FRMPD2: variants seen among roughly 807,000 people sequenced by gnomAD.
FRMPD2 encodes FERM and PDZ domain containing 2.
A neutral mutation model predicts 140.1 loss-of-function variants in FRMPD2; 96 were observed. The observed-to-expected ratio is 0.69, with a 90% CI of 0.58 to 0.81. The LOEUF is 0.81. Among genes scored for constraint, FRMPD2 ranks in the 40% least tolerant of loss-of-function variants. The probability of loss-of-function intolerance (pLI) is 0.00; values close to 1 mark genes in which losing one functional copy is unlikely to be tolerated. For synonymous variants in FRMPD2, 449 were observed against 547.6 expected, an observed-to-expected ratio of 0.82 and a Z score of 2.52; for missense variants, 1,240 against 1,447.4, an observed-to-expected ratio of 0.86 and a Z score of 2.32.
intron 20 of FRMPD2, among the ~76,000 whole-genome samples, chr10:48,181,323 G>A (rs1355361503): frequency 1.3e-5 from 2 of 152,258 alleles, no homozygotes; most frequent in Non-Finnish European, 2.9e-5. Flanking sequence ...ATACATATAG[G>A]AAGATATGGA....
intron 1 of FRMPD2, among the ~76,000 whole-genome samples, chr10:48,254,633 A>T (rs1484843532): frequency 1.3e-5 from 2 of 152,244 alleles, no homozygotes; most frequent in Non-Finnish European, 1.5e-5. Flanking sequence ...ATACACTTCC[A>T]TAGCATTTAC....
chr10:48,270,192 G>T (rs574052388), intron 1 of FRMPD2, among the ~76,000 whole-genome samples: 3 of 152,236 alleles, frequency 2.0e-5, no homozygotes, highest in South Asian at 2.1e-4. Context: ...ATAATCCAAG[G>T]AGCTGCTAGT....
At chr10:48,237,213 AG>A (rs892004700) in intron 8 of FRMPD2, among the ~76,000 whole-genome samples, 2 of 152,106 alleles carry the variant, frequency 1.3e-5, no homozygotes, top group Non-Finnish European at 2.9e-5. Context: ...AGTGCCCCCA[AG>A]GGTACCTAGC....
At chr10:48,202,710 A>G (rs1839116424) in intron 14 of FRMPD2, among the ~76,000 whole-genome samples, 1 of 152,228 alleles carries the variant, frequency 6.6e-6, no homozygotes, top group African/African-American at 2.4e-5. Context: ...CTTGAAATCC[A>G]TACACTTTGT....
chr10:48,211,219 G>A (rs1371836837), intron 13 of FRMPD2, among the ~76,000 whole-genome samples: 1 of 152,244 alleles, frequency 6.6e-6, no homozygotes, highest in East Asian at 1.9e-4. Flanking sequence ...GAGTAGCAAA[G>A]ACTATTCATC....
At chr10:48,225,010 C>A (rs1839691132) in intron 10 of FRMPD2, among the ~76,000 whole-genome samples, 1 of 152,134 alleles carries the variant, frequency 6.6e-6, no homozygotes, top group Non-Finnish European at 1.5e-5. Context: ...ATGCTCTCAC[C>A]AGCCCTGCTT....
intron 11 of FRMPD2, 68 bp downstream of exon 11, chr10:48,223,055 T>G (rs1240726730): frequency 6.9e-7 from 1 of 1,439,758 alleles, no homozygotes. Flanking sequence ...GTCGATCCAT[T>G]ACCTCTCCGT....
intron 15 of FRMPD2, among the ~76,000 whole-genome samples, chr10:48,200,903 C>A (rs1398207001): frequency 6.6e-6 from 1 of 152,154 alleles, no homozygotes; most frequent in Non-Finnish European, 1.5e-5. Context: ...TTGTGTATGT[C>A]TCTATTGATT....
chr10:48,237,784 C>T (rs530560424), intron 8 of FRMPD2, among the ~76,000 whole-genome samples: 2 of 152,276 alleles, frequency 1.3e-5, no homozygotes, highest in African/African-American at 4.8e-5. Flanking sequence ...CAGCGTCCCC[C>T]ATAGAGCCTT....
intron 13 of FRMPD2, among the ~76,000 whole-genome samples, chr10:48,207,322 G>T (rs1839224897): frequency 6.6e-6 from 1 of 152,126 alleles, no homozygotes; most frequent in Non-Finnish European, 1.5e-5. Context: ...TTGTGTCAGA[G>T]TCTATAGTAT....
intron 9 of FRMPD2, among the ~76,000 whole-genome samples, chr10:48,234,294 T>G (rs1040340894): frequency 6.6e-6 from 1 of 152,210 alleles, no homozygotes; most frequent in Non-Finnish European, 1.5e-5. Flanking sequence ...CATGACATGA[T>G]GAGACAGAGA....
intron 24 of FRMPD2, among the ~76,000 whole-genome samples, chr10:48,174,127 C>G (rs572773445): frequency 6.6e-6 from 1 of 152,130 alleles, no homozygotes; most frequent in African/African-American, 2.4e-5. Flanking sequence ...GGAAAGAAAG[C>G]GAAAAGTGGC....
chr10:48,238,192 C>A, intron 7 of FRMPD2, 69 bp from the exon 8 acceptor site: 2 of 1,543,202 alleles, frequency 1.3e-6, no homozygotes, highest in Non-Finnish European at 1.8e-6. Flanking sequence ...GAAAGACCAC[C>A]CGCACAGGGG....
intron 12 of FRMPD2, among the ~76,000 whole-genome samples, chr10:48,217,004 G>T (rs1177027538): frequency 2.0e-5 from 3 of 152,176 alleles, no homozygotes; most frequent in Non-Finnish European, 4.4e-5. Flanking sequence ...GGTTAAGAGG[G>T]CCAGGCCAGC....
chr10:48,273,286 T>G (rs1402874471), intron 1 of FRMPD2, among the ~76,000 whole-genome samples: 1 of 152,166 alleles, frequency 6.6e-6, no homozygotes, highest in Non-Finnish European at 1.5e-5. Flanking sequence ...TTCTTAATAT[T>G]AAATGCAGAC....
intron 1 of FRMPD2, among the ~76,000 whole-genome samples, chr10:48,256,407 T>C (rs1307663601): frequency 6.6e-6 from 1 of 152,220 alleles, no homozygotes; most frequent in Non-Finnish European, 1.5e-5. Context: ...TCCCTAATTG[T>C]ATATTGATTG....
chr10:48,242,934 A>G (rs1410753885), intron 4 of FRMPD2, among the ~76,000 whole-genome samples: 1 of 152,268 alleles, frequency 6.6e-6, no homozygotes, highest in African/African-American at 2.4e-5. Context: ...TCCCTCATGC[A>G]TTTAAATGAC....
intron 2 of FRMPD2, among the ~76,000 whole-genome samples, chr10:48,249,858 C>T (rs1840334272): frequency 7.0e-6 from 1 of 143,858 alleles, no homozygotes; most frequent in Admixed American, 6.7e-5. Context: ...TCTGAAGAGA[C>T]ACTATAGGAG....
intron 7 of FRMPD2, among the ~76,000 whole-genome samples, chr10:48,239,380 G>A (rs1840046959): frequency 6.6e-6 from 1 of 152,232 alleles, no homozygotes; most frequent in Non-Finnish European, 1.5e-5. Flanking sequence ...ATGGTTCCCA[G>A]AGGAAACAGG....
Sources: gnomAD v4.1 joint callset for allele counts (sites outside exome capture counted in the v4.1 genomes callset) on GRCh38, gnomAD v4.1.1 for gene constraint, MANE v1.5 for transcripts, NCBI Gene and HGNC (gene_info 2026-07-23, HGNC 2026-07-21) for gene names.